MEI4: variants seen among roughly 807,000 people sequenced by gnomAD.
MEI4 encodes the protein meiotic double-stranded break formation protein 4, also known as meiosis-specific protein MEI4.
MEI4 carries 27 observed loss-of-function variants against 31.4 expected under a neutral mutation model. That is an observed-to-expected ratio of 0.86 (90% CI 0.63 to 1.19). The LOEUF is 1.19. Ranked by LOEUF, MEI4 falls within the 50% of genes most tolerant of loss-of-function variation. The pLI is 0.00. For synonymous variants in MEI4, 122 were observed against 145.4 expected, an observed-to-expected ratio of 0.84 and a Z score of 1.16; for missense variants, 329 against 398.9, an observed-to-expected ratio of 0.82 and a Z score of 1.49.
chr6:77,908,245 T>C (rs1766346580), intron 4 of MEI4, among the ~76,000 whole-genome samples: 1 of 152,178 alleles, frequency 6.6e-6, no homozygotes, highest in South Asian at 2.1e-4. Flanking sequence ...CTGAATGGTA[T>C]TGCCTAGGTT....
At chr6:77,908,236 T>G (rs539925069) in intron 4 of MEI4, among the ~76,000 whole-genome samples, 2 of 152,322 alleles carry the variant, frequency 1.3e-5, no homozygotes, top group Non-Finnish European at 2.9e-5. Flanking sequence ...GCCTATGTAC[T>G]GAATGGTATT....
chr6:77,702,936 G>A (rs143532933), intron 2 of MEI4, among the ~76,000 whole-genome samples: 12 of 152,052 alleles, frequency 7.9e-5, no homozygotes, highest in East Asian at 3.9e-4. Context: ...ATGCAGTTTC[G>A]ATACCACTTT....
chr6:77,848,547 G>C (rs972092551), intron 4 of MEI4, among the ~76,000 whole-genome samples: 1 of 152,154 alleles, frequency 6.6e-6, no homozygotes, highest in African/African-American at 2.4e-5. Context: ...AGCAGTATGA[G>C]GATGCATCAT....
intron 3 of MEI4, among the ~76,000 whole-genome samples, chr6:77,794,746 A>G (rs1769034083): frequency 6.6e-6 from 1 of 152,172 alleles, no homozygotes; most frequent in African/African-American, 2.4e-5. Flanking sequence ...TGTAGTTCAA[A>G]TGGCCCAAAC....
Position 77,891,760 on chromosome 6 carries a change from GGATT to G in MEI4, c.901-31324_901-31321del, listed in dbSNP as rs1415397812. Among the ~76,000 whole-genome samples the G allele has an allele frequency of 2.0e-5, 3 of 152,026 alleles. No homozygotes were observed. The East Asian group carries it at 5.8e-4, about 29-fold the overall frequency. On this transcript the variant is annotated intron_variant, in intron 4 of 4. Coordinates refer to ENST00000684080, the MANE Select transcript of MEI4 (RefSeq NM_001322247.2). ...CAACAGTTGCTTTTTCAAGTTTTAT[GGATT>G]GATTTTCATAGGGAAAGACTTTTTT...
intron 3 of MEI4, among the ~76,000 whole-genome samples, chr6:77,812,086 A>G (rs1032108649): frequency 6.6e-6 from 1 of 152,114 alleles, no homozygotes; most frequent in African/African-American, 2.4e-5. Context: ...GTGAACAACC[A>G]TATTCTGTGA....
upstream of MEI4, among the ~76,000 whole-genome samples, chr6:77,651,766 G>A (rs1768304643): frequency 6.6e-6 from 1 of 152,176 alleles, no homozygotes; most frequent in South Asian, 2.1e-4. Context: ...TCAGGACATG[G>A]TAATGGACCA....
intron 3 of MEI4, among the ~76,000 whole-genome samples, chr6:77,768,067 T>A (rs1223065987): frequency 6.6e-6 from 1 of 152,222 alleles, no homozygotes; most frequent in East Asian, 1.9e-4. Context: ...GTCATGGTTG[T>A]TATTACTATC....
rs1769678158 is a variant in MEI4, at chr6:77,815,902, C to A, written c.769-13029C>A. Reference sequence around the variant, plus strand: ...TCCTTAGACCAAGAAAAAAAAAAACCAAAACAACAACAAAAACTTCTTTGC... The same window carrying A: ...TCCTTAGACCAAGAAAAAAAAAAACAAAAACAACAACAAAAACTTCTTTGC... On this transcript the variant is annotated intron_variant, in intron 3 of 4. Transcript: ENST00000684080. Among the ~76,000 whole-genome samples, 4 of 150,212 alleles carry A rather than the reference C, an allele frequency of 2.7e-5. No homozygotes were observed. The South Asian group carries it at 8.4e-4, about 31-fold the overall frequency.
chr6:77,802,730 A>T (rs1187373411), intron 3 of MEI4, among the ~76,000 whole-genome samples: 1 of 152,096 alleles, frequency 6.6e-6, no homozygotes, highest in African/African-American at 2.4e-5. Context: ...TTCACTTCTG[A>T]AGCTTAGTTT....
At chr6:77,864,473 A>G (rs1349816638) in intron 4 of MEI4, among the ~76,000 whole-genome samples, 1 of 152,200 alleles carries the variant, frequency 6.6e-6, no homozygotes, top group Non-Finnish European at 1.5e-5. Flanking sequence ...AAAGATCAAA[A>G]GAGACAAAGA....
chr6:77,923,021 C>G, intron 4 of MEI4, 68 bp from the exon 5 acceptor site: 1 of 979,294 alleles, frequency 1.0e-6, no homozygotes, highest in Non-Finnish European at 1.3e-6. Flanking sequence ...ACTCTGATAT[C>G]TTTATATGAC....
chr6:77,759,230 C>G (rs185386971), intron 2 of MEI4, among the ~76,000 whole-genome samples: 2 of 151,924 alleles, frequency 1.3e-5, no homozygotes, highest in Non-Finnish European at 2.9e-5. Flanking sequence ...TTAAATTGTT[C>G]CTTCTCTATG....
intron 1 of MEI4, among the ~76,000 whole-genome samples, chr6:77,658,086 A>G (rs1396748401): frequency 1.3e-5 from 2 of 152,146 alleles, no homozygotes; most frequent in African/African-American, 4.8e-5. Flanking sequence ...TGTTTATTTC[A>G]CCTGGGTGCA....
At chr6:77,805,396 C>T (rs1769402924) in intron 3 of MEI4, among the ~76,000 whole-genome samples, 1 of 152,044 alleles carries the variant, frequency 6.6e-6, no homozygotes, top group African/African-American at 2.4e-5. Flanking sequence ...ATTTTATTTT[C>T]AGTTAGATAT....
intron 4 of MEI4, among the ~76,000 whole-genome samples, chr6:77,871,603 G>A (rs1415987774): frequency 3.9e-5 from 6 of 152,062 alleles, no homozygotes; most frequent in African/African-American, 1.2e-4. Context: ...ACTATGCTCA[G>A]TACATGGGTG....
chr6:77,821,799 CAAAAAAAAAA>C lies in MEI4; in HGVS notation c.769-7117_769-7108del, dbSNP rs34905460. ...CAACAAGAGTGAAATGCCATCTCTC[CAAAAAAAAAA>C]AAAAAAAAAAAAAATCGTGCTGCTT... On this transcript the variant is annotated intron_variant, in intron 3 of 4. Coordinates refer to ENST00000684080, the MANE Select transcript of MEI4 (RefSeq NM_001322247.2). Among the ~76,000 whole-genome samples the C allele has an allele frequency of 5.4e-5, 5 of 93,042 alleles. No homozygotes were observed. The East Asian group carries it at 9.2e-4, about 17-fold the overall frequency. The allele number at this position is 93,042 out of a possible 152,430, so 61.0% of individuals were successfully genotyped here.
intron 1 of MEI4, among the ~76,000 whole-genome samples, chr6:77,679,061 A>T (rs1036409109): frequency 6.6e-6 from 1 of 152,080 alleles, no homozygotes; most frequent in African/African-American, 2.4e-5. Context: ...AAGTGTAATT[A>T]AAAAAAAGTC....
chr6:77,739,995 T>C (rs747166511), intron 2 of MEI4, among the ~76,000 whole-genome samples: 7 of 152,214 alleles, frequency 4.6e-5, no homozygotes, highest in African/African-American at 1.4e-4. Context: ...TCCTGTTATG[T>C]TGTATCTTTG....
Sources: gnomAD v4.1 joint callset for allele counts (sites outside exome capture counted in the v4.1 genomes callset) on GRCh38, gnomAD v4.1.1 for gene constraint, MANE v1.5 for transcripts, NCBI Gene and HGNC (gene_info 2026-07-23, HGNC 2026-07-21) for gene names.